Variants in TEKT5 observed in about 807,000 individuals in gnomAD.
TEKT5 encodes tektin 5.
Under a neutral mutation model 48.7 loss-of-function variants are expected in TEKT5, and 52 were observed. The observed-to-expected ratio is 1.07, with a 90% CI of 0.86 to 1.35. The LOEUF (loss-of-function observed/expected upper bound fraction) is 1.35, where lower values mean the gene tolerates loss of function less well. TEKT5 is among the 40% of genes most tolerant of loss of function. The pLI is 0.00. For synonymous variants in TEKT5, 318 were observed against 267.6 expected (o/e 1.19, Z -1.84); for missense variants, 831 against 641.6 (o/e 1.30, Z -3.19).
intron 5 of TEKT5, among the ~76,000 whole-genome samples, chr16:10,659,953 G>A (rs970158695): frequency 2.6e-5 from 4 of 152,072 alleles, no homozygotes; most frequent in African/African-American, 7.2e-5. Flanking sequence ...TATGTTATGC[G>A]AATTTCACCT....
At chr16:10,668,895 G>C (rs1367702870) in intron 5 of TEKT5, among the ~76,000 whole-genome samples, 1 of 151,980 alleles carries the variant, frequency 6.6e-6, no homozygotes, top group Non-Finnish European at 1.5e-5. Flanking sequence ...CTGTAATAGG[G>C]AGTGGTGGGG....
intron 5 of TEKT5, among the ~76,000 whole-genome samples, chr16:10,660,661 CTGTGTGTGTGTGTGTGTGTGTGTG>C (rs4028826): frequency 1.4e-5 from 2 of 144,402 alleles, no homozygotes; most frequent in Admixed American, 6.9e-5. Flanking sequence ...GAGTGCAAGG[CTGTGTGTGTGTGTGTGTGTGTGTG>C]TGTGTGTGTG....
intron 5 of TEKT5, among the ~76,000 whole-genome samples, chr16:10,671,040 G>T (rs1432217129): frequency 6.6e-6 from 1 of 152,052 alleles, no homozygotes; most frequent in Non-Finnish European, 1.5e-5. Context: ...AAAGCGAAAA[G>T]GTTTTGCTCT....
intron 5 of TEKT5, among the ~76,000 whole-genome samples, chr16:10,644,052 A>G (rs1003969228): frequency 2.0e-5 from 3 of 152,178 alleles, no homozygotes; most frequent in Non-Finnish European, 4.4e-5. Flanking sequence ...CAAAAAATAA[A>G]TAAAATAACA....
At chr16:10,632,178 T>A (rs1363051748) in intron 6 of TEKT5, among the ~76,000 whole-genome samples, 1 of 152,240 alleles carries the variant, frequency 6.6e-6, no homozygotes, top group Non-Finnish European at 1.5e-5. Flanking sequence ...AAGGGAGATA[T>A]TCTGTGCTAT....
rs778754259 is a variant in TEKT5, at chr16:10,690,026, C to A, written c.565-1G>T. On this transcript the variant is annotated splice_acceptor_variant, in intron 1 of 6. Transcript: ENST00000283025. LOFTEE classifies it high-confidence loss of function. The stretch of plus-strand genomic sequence containing the variant: ...GATGGTACAGACACTCCAAGGCCAC[C>A]TGTGGGAAGCAGCAGAAAGAACGTA... 6.2e-7 allele frequency: 1 copy of A among 1,613,992 alleles called. No homozygotes were observed. The highest frequency in any genetic ancestry group is 2.2e-5 in the East Asian group (1 of 44,872).
chr16:10,684,691 C>T (rs942225920), intron 3 of TEKT5, among the ~76,000 whole-genome samples: 10 of 152,186 alleles, frequency 6.6e-5, no homozygotes, highest in African/African-American at 1.9e-4. Flanking sequence ...CAGAGTCCAG[C>T]GTGTCCAGCT....
Position 10,627,670 on chromosome 16 carries a change from C to A in TEKT5, c.1371G>T (p.Lys457Asn), listed in dbSNP as rs905067017. Residue 457 changes from lysine to asparagine, a missense_variant, in exon 7 of 7, where the codon AAG becomes AAT. Physicochemically the swap from Lys to Asn is moderately conservative, Grantham distance 94. Transcript: ENST00000283025. ...CCTTGTCGATGCAGAGGGTGTTGGC[C>A]TTGATGGCGAGCTCGTGCTCCAGCC... ...KCRLEHELAI[K>N]ANTLCIDKEK... 6.2e-7 allele frequency: 1 copy of A among 1,614,196 alleles called. No individual in the cohort carries two copies. The highest frequency in any genetic ancestry group is 1.7e-5 in the Admixed American group (1 of 60,026).
At chr16:10,691,903 G>A (rs1445570617) in intron 1 of TEKT5, among the ~76,000 whole-genome samples, 7 of 144,200 alleles carry the variant, frequency 4.9e-5, no homozygotes, top group East Asian at 4.2e-4. Flanking sequence ...AGCCGAGATC[G>A]CACCACTGCA....
chr16:10,685,298 TTCTCTCTCTC>T (rs763332137), intron 3 of TEKT5, among the ~76,000 whole-genome samples: 1 of 151,564 alleles, frequency 6.6e-6, no homozygotes, highest in African/African-American at 2.4e-5. Context: ...CCCTCTCTCT[TTCTCTCTCTC>T]TCTCTTTTTT....
intron 3 of TEKT5, among the ~76,000 whole-genome samples, chr16:10,685,104 C>T (rs149885004): frequency 1.1e-3 from 160 of 152,350 alleles, no homozygotes; most frequent in Non-Finnish European, 2.0e-3. Flanking sequence ...TGACACACAG[C>T]CACTGCCCAG....
intron 3 of TEKT5, among the ~76,000 whole-genome samples, chr16:10,684,232 C>T (rs1368780963): frequency 6.6e-6 from 1 of 152,086 alleles, no homozygotes; most frequent in Non-Finnish European, 1.5e-5. Flanking sequence ...TGTCAGACAC[C>T]AGCTAAACCG....
intron 5 of TEKT5, among the ~76,000 whole-genome samples, chr16:10,647,948 C>G (rs1257944252): frequency 6.6e-6 from 1 of 152,254 alleles, no homozygotes; most frequent in Non-Finnish European, 1.5e-5. Flanking sequence ...ACTTTACACT[C>G]TGTTGTTTGC....
intron 5 of TEKT5, among the ~76,000 whole-genome samples, chr16:10,643,766 G>A (rs139361640): frequency 1.7e-3 from 256 of 152,272 alleles, no homozygotes; most frequent in African/African-American, 5.6e-3. Context: ...CGCCGGGCGG[G>A]GTGGCTCACG....
chr16:10,663,734 C>T (rs954752545), intron 5 of TEKT5, among the ~76,000 whole-genome samples: 5 of 152,210 alleles, frequency 3.3e-5, no homozygotes, highest in Non-Finnish European at 5.9e-5. Flanking sequence ...TCCCTGGTCT[C>T]TACCCACTAG....
chr16:10,689,391 G>A (rs1898924889), intron 2 of TEKT5, 68 bp from the exon 3 acceptor site: 1 of 1,386,554 alleles, frequency 7.2e-7, no homozygotes, highest in South Asian at 1.2e-5. Context: ...CCAGGCCAGA[G>A]CCCTCAGCTC....
At chr16:10,637,206 T>C (rs1371496448) in intron 5 of TEKT5, among the ~76,000 whole-genome samples, 1 of 151,854 alleles carries the variant, frequency 6.6e-6, no homozygotes, top group Non-Finnish European at 1.5e-5. Context: ...GGATTGATTT[T>C]TGTATTTTTA....
chr16:10,645,848 G>T (rs566612708), intron 5 of TEKT5, among the ~76,000 whole-genome samples: 52 of 151,966 alleles, frequency 3.4e-4, no homozygotes, highest in Non-Finnish European at 6.3e-4. Flanking sequence ...TAATTTGTTG[G>T]CTGGCCATAG....
intron 5 of TEKT5, among the ~76,000 whole-genome samples, chr16:10,638,309 C>A (rs1299167626): frequency 6.6e-6 from 1 of 152,224 alleles, no homozygotes; most frequent in Non-Finnish European, 1.5e-5. Flanking sequence ...CTGACCGTGA[C>A]TGAAACATCC....
Sources: gnomAD v4.1 joint callset for allele counts (sites outside exome capture counted in the v4.1 genomes callset) on GRCh38, gnomAD v4.1.1 for gene constraint, MANE v1.5 for transcripts, NCBI Gene and HGNC (gene_info 2026-07-23, HGNC 2026-07-21) for gene names.